Variants in FGF1 observed in about 807,000 individuals in gnomAD.
FGF1 encodes the protein fibroblast growth factor 1.
Under a neutral mutation model 13.4 loss-of-function variants are expected in FGF1, and 9 were observed. The ratio of observed to expected loss-of-function variants is 0.67; its 90% CI spans 0.40 to 1.17. The LOEUF is 1.17. FGF1 is among the 50% of genes most tolerant of loss of function. The pLI is 0.01. For missense variants in FGF1, 156 were observed against 192.7 expected (o/e 0.81, Z 1.13); for synonymous variants, 93 against 79.0 (o/e 1.18, Z -0.94).
intron 1 of FGF1, among the ~76,000 whole-genome samples, chr5:142,638,573 GT>G (rs1727608565): frequency 6.6e-6 from 1 of 152,054 alleles, no homozygotes; most frequent in Non-Finnish European, 1.5e-5. Flanking sequence ...ACCAGAGTTT[GT>G]AAATCTGCTA....
intron 2 of FGF1, among the ~76,000 whole-genome samples, chr5:142,611,588 G>A (rs543558660): frequency 1.3e-5 from 2 of 152,338 alleles, no homozygotes; most frequent in Admixed American, 1.3e-4. Context: ...GAAAGGGGCA[G>A]AGTAGGCTTG....
At position 142,643,296 on chromosome 5, in the gene FGF1, T is replaced by TACAC. The variant is rs57043408; in HGVS notation, c.-34-29139_-34-29136dup. On this transcript the variant is annotated intron_variant, in intron 1 of 3. Coordinates refer to ENST00000337706, the MANE Select transcript of FGF1 (RefSeq NM_000800.5). The stretch of plus-strand genomic sequence containing the variant: ...TGCATCAGAAAAAGAGACTACAAAT[T>TACAC]ACACACACACACACACACACATACC... Among the ~76,000 whole-genome samples the TACAC allele has an allele frequency of 4.1e-4, 61 of 149,856 alleles. No homozygotes were observed. The East Asian group carries it at 6.0e-3, about 15-fold the overall frequency.
chr5:142,611,316 C>CT (rs1219333480), intron 2 of FGF1, among the ~76,000 whole-genome samples: 1 of 152,132 alleles, frequency 6.6e-6, no homozygotes, highest in Non-Finnish European at 1.5e-5. Context: ...CTGCAGAACC[C>CT]TAGTAAATAG....
intron 2 of FGF1, among the ~76,000 whole-genome samples, chr5:142,612,740 G>A: frequency 6.7e-6 from 1 of 149,926 alleles, no homozygotes; most frequent in East Asian, 2.0e-4. Context: ...GCAAGCCCCA[G>A]CCTCAGCCTT....
At chr5:142,635,204 A>G (rs1764046710) in intron 1 of FGF1, among the ~76,000 whole-genome samples, 1 of 152,046 alleles carries the variant, frequency 6.6e-6, no homozygotes, top group Non-Finnish European at 1.5e-5. Context: ...TTGTGCCTCA[A>G]TTTTCTTCAG....
chr5:142,648,120 G>A (rs1416259605), intron 1 of FGF1, among the ~76,000 whole-genome samples: 1 of 152,066 alleles, frequency 6.6e-6, no homozygotes, highest in Non-Finnish European at 1.5e-5. Context: ...TTGGATTTTG[G>A]AGCATTTTGG....
chr5:142,670,415 T>C (rs1318900386), intron 1 of FGF1, among the ~76,000 whole-genome samples: 2 of 152,186 alleles, frequency 1.3e-5, no homozygotes, highest in African/African-American at 2.4e-5. Context: ...CTATGTCAAA[T>C]GCTACCTCCA....
At position 142,666,924 on chromosome 5, in the gene FGF1, C is replaced by T. The variant is rs536691193; in HGVS notation, c.-35+19033G>A. On this transcript the variant is annotated intron_variant, in intron 1 of 3. Transcript: ENST00000337706. ...TGCAGTGAGGCCTTGTCTCAAAAAA[C>T]AAAAACAAAAACAAAAACAAAAATG... Among the ~76,000 whole-genome samples, 17 of 135,734 alleles carry T rather than the reference C, an allele frequency of 1.3e-4. No homozygotes were observed. In the East Asian group the frequency reaches 1.9e-3, roughly 15 times the overall value. 89.0% of individuals were successfully genotyped at this position (135,734 alleles called of 152,430 possible).
chr5:142,685,711 C>T (rs1751011408), intron 1 of FGF1: 1 of 152,236 alleles, frequency 6.6e-6, no homozygotes, highest in Admixed American at 6.5e-5. Flanking sequence ...TCTGTGACAT[C>T]AGCATGCCCT....
At chr5:142,694,054 C>T (rs1752674487) in intron 2 of FGF1, among the ~76,000 whole-genome samples, 1 of 151,484 alleles carries the variant, frequency 6.6e-6, no homozygotes, top group African/African-American at 2.4e-5. Context: ...TAAAGATTTA[C>T]CCGAAGAATT....
intron 1 of FGF1, among the ~76,000 whole-genome samples, chr5:142,637,315 G>C (rs905110080): frequency 1.7e-5 from 2 of 114,384 alleles, no homozygotes; most frequent in Admixed American, 9.4e-5. Context: ...GAAGAACCAC[G>C]GCGTTTTTGT....
rs528493017 is a variant in FGF1 at position 142,681,310 on chromosome 5, C to A, written c.-35+4647G>T. On this transcript the variant is annotated intron_variant, in intron 1 of 3. Transcript: ENST00000337706. ...AATCTTGACTTCAAATTTAGCTCAA[C>A]ATGACCTCTGGCCTTAGGCTTGAGG... Among the ~76,000 whole-genome samples, 20 of 152,344 alleles carry A rather than the reference C, an allele frequency of 1.3e-4. No homozygotes were observed. The South Asian group carries it at 4.1e-3, about 32-fold the overall frequency.
upstream of FGF1, among the ~76,000 whole-genome samples, chr5:142,686,829 TC>T (rs1296355104): frequency 6.6e-6 from 1 of 152,140 alleles, no homozygotes; most frequent in Non-Finnish European, 1.5e-5. Flanking sequence ...TTCAAGCCTG[TC>T]CCCGTTGGAT....
chr5:142,664,660 T>A (rs1485922032), intron 1 of FGF1, among the ~76,000 whole-genome samples: 1 of 152,168 alleles, frequency 6.6e-6, no homozygotes, highest in Non-Finnish European at 1.5e-5. Context: ...TAAGTGGCAG[T>A]GGGGTGTTTT....
At chr5:142,696,055 C>T (rs1049296491) in intron 2 of FGF1, among the ~76,000 whole-genome samples, 1 of 152,072 alleles carries the variant, frequency 6.6e-6, no homozygotes, top group African/African-American at 2.4e-5. Context: ...AATTTGGGAG[C>T]CCAGGTGGGT....
At chr5:142,637,580 G>T (rs1316972841) in intron 1 of FGF1, among the ~76,000 whole-genome samples, 2 of 151,956 alleles carry the variant, frequency 1.3e-5, no homozygotes, top group African/African-American at 2.4e-5. Flanking sequence ...CGGCCTCCCA[G>T]AGTGCTGGGA....
At chr5:142,605,953 G>A (rs369764223) in intron 2 of FGF1, among the ~76,000 whole-genome samples, 5 of 152,206 alleles carry the variant, frequency 3.3e-5, no homozygotes, top group Admixed American at 2.0e-4. Flanking sequence ...GAGAGGGAGG[G>A]GCTGGCCACA....
At chr5:142,637,785 C>T (rs145670844) in intron 1 of FGF1, among the ~76,000 whole-genome samples, 4 of 152,120 alleles carry the variant, frequency 2.6e-5, no homozygotes, top group African/African-American at 7.2e-5. Flanking sequence ...AGTATGATCT[C>T]AAGAACCCAA....
intron 1 of FGF1, among the ~76,000 whole-genome samples, chr5:142,633,001 C>T (rs918415742): frequency 1.3e-5 from 2 of 151,756 alleles, no homozygotes; most frequent in East Asian, 1.9e-4. Context: ...CTCACTGCAA[C>T]CTCCACCTCC....
Sources: allele counts gnomAD v4.1 joint callset (sites outside exome capture counted in the v4.1 genomes callset), GRCh38; gene constraint gnomAD v4.1.1; transcripts MANE v1.5; gene names NCBI Gene and HGNC (gene_info 2026-07-23, HGNC 2026-07-21).